Variants in PTPN21 observed in about 807,000 individuals in gnomAD.
The protein encoded by PTPN21 is protein tyrosine phosphatase non-receptor type 21.
A neutral mutation model predicts 131.8 loss-of-function variants in PTPN21; 77 were observed. The ratio of observed to expected loss-of-function variants is 0.58; its 90% confidence interval spans 0.49 to 0.71. The LOEUF (loss-of-function observed/expected upper bound fraction) is 0.71. PTPN21 is among the 30% of genes least tolerant of loss of function. PTPN21 has a pLI of 0.00. For missense variants in PTPN21, 1,552 were observed against 1,527.1 expected (o/e 1.02, Z -0.27); for synonymous variants, 715 against 621.3 (o/e 1.15, Z -2.24).
At position 88,473,756 on chromosome 14, in the gene PTPN21, T is replaced by C; in HGVS notation, c.2558A>G (p.Lys853Arg). The change falls in exon 14 of 19, where the codon AAA (lysine) becomes AGA (arginine). Residue 853 changes from lysine (K) to arginine (R), a missense_variant. Physicochemically the swap from Lys to Arg is conservative, Grantham distance 26. Coordinates refer to ENST00000556564, the MANE Select transcript of PTPN21 (RefSeq NM_007039.4). ...GGAGAGTCCATTTAGGGCAGCCAGT[T>C]TAAGAGGACCAATTTTTTTTGCATC... ...RVDAKKIGPLKLAALNGLSLS... is the reference protein window; with the variant it reads ...RVDAKKIGPLRLAALNGLSLS... 1.2e-6 allele frequency: 2 copies of C among 1,610,712 alleles called. No individual in the cohort carries two copies. Among genetic ancestry groups the C allele is most frequent in the Non-Finnish European group, 1.7e-6 (2 of 1,179,370 alleles).
intron 2 of PTPN21, among the ~76,000 whole-genome samples, chr14:88,540,664 T>C (rs1335237429): frequency 6.6e-6 from 1 of 152,200 alleles, no homozygotes; most frequent in African/African-American, 2.4e-5. Context: ...AAGTTGTTTT[T>C]ATTTTTATTT....
intron 3 of PTPN21, among the ~76,000 whole-genome samples, chr14:88,513,090 T>G (rs74074932): frequency 8.1e-4 from 123 of 152,138 alleles, no homozygotes; most frequent in African/African-American, 2.8e-3. Flanking sequence ...AGCAATGAGG[T>G]TTTTTTTAAA....
chr14:88,479,622 C>A lies in PTPN21; in HGVS notation c.1809G>T (p.Val603=). The change falls in exon 13 of 19, where the codon GTG becomes GTT. Residue 603 remains valine, a synonymous_variant. Coordinates refer to ENST00000556564, the MANE Select transcript of PTPN21 (RefSeq NM_007039.4). The part of the protein sequence containing the change: ...DLITRRVHHS[V]QTFQEDSLPV... ...GCAGGCTGTCCTCCTGGAACGTTTG[C>A]ACCGAGTGGTGCACGCGCCGCGTGA... 2 of 1,575,972 alleles carry A rather than the reference C, an allele frequency of 1.3e-6. No individual in the cohort carries two copies. The highest frequency in any genetic ancestry group is 1.8e-5 in the Admixed American group (1 of 56,156).
intron 12 of PTPN21, among the ~76,000 whole-genome samples, chr14:88,480,968 G>A (rs1461851952): frequency 1.3e-5 from 2 of 152,082 alleles, no homozygotes; most frequent in Admixed American, 6.6e-5. Context: ...CCATGTTTCA[G>A]GAAGATCCAG....
In PTPN21 at chr14:88,479,925, G is replaced by A. The variant is rs147960576; in HGVS notation, c.1506C>T (p.Leu502=). 7.5e-6 allele frequency: 12 copies of A among 1,604,428 alleles called. No homozygotes were observed. Among genetic ancestry groups the A allele is most frequent in the African/African-American group, 2.7e-5 (2 of 74,912 alleles). ...GGCAGTGTGCGGCCGCTGGCGAGGGGAGCTGTGCGTGCTCGCGGATCTCGG... is the reference window on the plus strand; with the variant it reads ...GGCAGTGTGCGGCCGCTGGCGAGGGAAGCTGTGCGTGCTCGCGGATCTCGG... ...SQPEIREHAQ[L]PSPAAAHCPF... is the part of the protein sequence containing the mutation. The change falls in exon 13 of 19, where the codon CTC becomes CTT. Residue 502 remains leucine, a synonymous_variant. Transcript: ENST00000556564.
At chr14:88,485,865 G>A in intron 10 of PTPN21, 23 bp from the exon 11 acceptor site, 5 of 1,488,800 alleles carry the variant, frequency 3.4e-6, no homozygotes, top group Non-Finnish European at 3.7e-6. Flanking sequence ...ATGACTCTGA[G>A]AAGAGCACAT....
chr14:88,546,808 C>A (rs2078789047), intron 2 of PTPN21, among the ~76,000 whole-genome samples: 1 of 152,118 alleles, frequency 6.6e-6, no homozygotes, highest in Admixed American at 6.6e-5. Context: ...AGGTGTGACC[C>A]CACTCAGATT....
intron 8 of PTPN21, among the ~76,000 whole-genome samples, chr14:88,498,299 GA>G (rs60127135): frequency 0.038 from 5,153 of 135,622 alleles, 245 homozygotes; most frequent in African/African-American, 0.12. Context: ...ACAGAAAAAA[GA>G]AAAAAAAAAA....
chr14:88,525,496 A>G (rs1274478156), intron 2 of PTPN21, among the ~76,000 whole-genome samples: 1 of 152,230 alleles, frequency 6.6e-6, no homozygotes, highest in African/African-American at 2.4e-5. Context: ...AATGCAACTC[A>G]GAACCATAAT....
At chr14:88,511,594 A>G (rs7142053) in intron 3 of PTPN21, among the ~76,000 whole-genome samples, 60,881 of 151,940 alleles carry the variant, frequency 0.4, 13,238 homozygotes, top group African/African-American at 0.58. Context: ...GCTTGAACCC[A>G]GGAGTCGGAT....
At position 88,533,124 on chromosome 14, in the gene PTPN21, A is replaced by G. The variant is rs79513696; in HGVS notation, c.181-15863T>C. Reference sequence around the variant, plus strand: ...TAACTTATTTTATATAAAGCTTTACAGTACTCTAGCCAATTTAATTGGGGT... The same window carrying G: ...TAACTTATTTTATATAAAGCTTTACGGTACTCTAGCCAATTTAATTGGGGT... On this transcript the variant is annotated intron_variant, in intron 2 of 18. Coordinates refer to ENST00000556564, the MANE Select transcript of PTPN21 (RefSeq NM_007039.4). Among the ~76,000 whole-genome samples the G allele has an allele frequency of 4.6e-3, 697 of 152,302 alleles. 7 individuals carry two copies. The highest frequency in any genetic ancestry group is 0.015 in the African/African-American group (642 of 41,548).
chr14:88,539,400 C>A (rs919152340), intron 2 of PTPN21, among the ~76,000 whole-genome samples: 1 of 152,024 alleles, frequency 6.6e-6, no homozygotes, highest in Non-Finnish European at 1.5e-5. Flanking sequence ...CAGGCATGCA[C>A]CACCATGGCC....
chr14:88,500,014 G>C (rs554487966), intron 8 of PTPN21, among the ~76,000 whole-genome samples: 1 of 152,050 alleles, frequency 6.6e-6, no homozygotes, highest in East Asian at 1.9e-4. Flanking sequence ...CAAATGAATA[G>C]TATCTTTTTT....
chr14:88,507,955 T>C lies in PTPN21; in HGVS notation c.416A>G (p.Gln139Arg), dbSNP rs1477664906. 1.2e-6 allele frequency: 2 copies of C among 1,606,740 alleles called. No individual in the cohort carries two copies. The highest frequency in any genetic ancestry group is 1.7e-6 in the Non-Finnish European group (2 of 1,176,098). Residue 139 changes from glutamine to arginine, a missense_variant, in exon 4 of 19, where the codon CAA (glutamine) becomes CGA (arginine). This residue lies in a region of PTPN21 where 206 missense variants were observed against 221.6 expected (regional missense o/e 0.93). Coordinates refer to ENST00000556564, the MANE Select transcript of PTPN21 (RefSeq NM_007039.4). ...LEGSIPCTLEQAIQLAGLAVQ... is the reference protein window; with the variant it reads ...LEGSIPCTLERAIQLAGLAVQ... ...AGCTAAGCCTGCTAGCTGAATTGCT[T>C]GTTCTAAGGTACAAGGAATACTTCC...
intron 2 of PTPN21, among the ~76,000 whole-genome samples, chr14:88,534,457 A>T (rs1315227419): frequency 6.6e-6 from 1 of 152,180 alleles, no homozygotes; most frequent in African/African-American, 2.4e-5. Context: ...TAGGGTAAGG[A>T]TATAGATATT....
chr14:88,508,053 T>G, intron 3 of PTPN21, 33 bp from the exon 4 acceptor site: 1 of 1,192,774 alleles, frequency 8.4e-7, no homozygotes, highest in Non-Finnish European at 1.2e-6. Context: ...AAGGTCAATG[T>G]CAATATTATC....
At chr14:88,489,034 T>C (rs536728758) in intron 10 of PTPN21, among the ~76,000 whole-genome samples, 1 of 152,216 alleles carries the variant, frequency 6.6e-6, no homozygotes, top group East Asian at 1.9e-4. Context: ...AAACAAGTAG[T>C]AGAACCGGCA....
chr14:88,484,545 G>T (rs1397363030), intron 12 of PTPN21, among the ~76,000 whole-genome samples: 1 of 152,148 alleles, frequency 6.6e-6, no homozygotes, highest in African/African-American at 2.4e-5. Context: ...TAATAGGGTG[G>T]TGGTAAAAGG....
intron 3 of PTPN21, among the ~76,000 whole-genome samples, chr14:88,516,340 G>A (rs920875348): frequency 7.3e-5 from 11 of 151,332 alleles, no homozygotes; most frequent in Non-Finnish European, 8.8e-5. Context: ...AAGATGAAAG[G>A]GCGTGCAGCA....
Sources: gnomAD v4.1 joint callset for allele counts (sites outside exome capture counted in the v4.1 genomes callset) on GRCh38, gnomAD v4.1.1 for gene constraint, gnomAD v4.1.1 regional missense constraint, MANE v1.5 for transcripts, NCBI Gene and HGNC (gene_info 2026-07-23, HGNC 2026-07-21) for gene names.